Variants in CDH10 observed in about 807,000 individuals in gnomAD.
CDH10 encodes cadherin 10.
Under a neutral mutation model 73.1 loss-of-function variants are expected in CDH10, and 30 were observed. The ratio of observed to expected loss-of-function variants is 0.41; its 90% CI spans 0.31 to 0.56. CDH10 has a LOEUF of 0.56. Ranked by LOEUF, CDH10 falls within the 20% of genes least tolerant of loss-of-function variation. The probability of loss-of-function intolerance (pLI) is 0.27; values close to 1 mark genes in which losing one functional copy is unlikely to be tolerated. For missense variants in CDH10, 815 were observed against 973.7 expected, an observed-to-expected ratio of 0.84 and a Z score of 2.17; for synonymous variants, 345 against 348.2, an observed-to-expected ratio of 0.99 and a Z score of 0.10.
intron 1 of CDH10, among the ~76,000 whole-genome samples, chr5:24,603,024 G>T (rs1039882436): frequency 6.6e-6 from 1 of 152,100 alleles, no homozygotes; most frequent in Admixed American, 6.6e-5. Flanking sequence ...GATTACAGTG[G>T]CTTTGTCTGA....
intron 5 of CDH10, among the ~76,000 whole-genome samples, chr5:24,524,544 T>C (rs1256299218): frequency 6.6e-6 from 1 of 152,148 alleles, no homozygotes; most frequent in Admixed American, 6.6e-5. Context: ...TACGCTTTCC[T>C]ATCAATTCTA....
At chr5:24,520,704 A>G (rs1474318254) in intron 5 of CDH10, among the ~76,000 whole-genome samples, 1 of 152,088 alleles carries the variant, frequency 6.6e-6, no homozygotes, top group Non-Finnish European at 1.5e-5. Context: ...ACAAACAAAC[A>G]CATATACAAC....
chr5:24,496,783 A>T (rs1001056479), intron 9 of CDH10, among the ~76,000 whole-genome samples: 6 of 152,136 alleles, frequency 3.9e-5, no homozygotes, highest in African/African-American at 1.4e-4. Context: ...TCTGAACAAG[A>T]ATTTTATCAA....
chr5:24,604,218 C>T (rs1746672971), intron 1 of CDH10, among the ~76,000 whole-genome samples: 2 of 151,948 alleles, frequency 1.3e-5, no homozygotes, highest in Non-Finnish European at 2.9e-5. Flanking sequence ...CATGTAGTGG[C>T]ACAGGCCTGT....
intron 1 of CDH10, among the ~76,000 whole-genome samples, chr5:24,638,941 T>C (rs1293326461): frequency 2.0e-5 from 3 of 151,720 alleles, no homozygotes; most frequent in Non-Finnish European, 4.4e-5. Flanking sequence ...TTTTTGATCT[T>C]ATTAGCAATA....
intron 1 of CDH10, among the ~76,000 whole-genome samples, chr5:24,633,753 T>G (rs577818139): frequency 1.6e-4 from 24 of 152,036 alleles, no homozygotes; most frequent in African/African-American, 5.8e-4. Flanking sequence ...TATGTAAACA[T>G]TAAATGGCAT....
intron 5 of CDH10, among the ~76,000 whole-genome samples, chr5:24,523,134 G>A (rs1442731623): frequency 1.3e-5 from 2 of 151,986 alleles, no homozygotes; most frequent in African/African-American, 2.4e-5. Flanking sequence ...TATTTGGGGA[G>A]AACAGAATGA....
chr5:24,641,992 G>T (rs930597642), intron 1 of CDH10, among the ~76,000 whole-genome samples: 1 of 152,022 alleles, frequency 6.6e-6, no homozygotes, highest in Non-Finnish European at 1.5e-5. Flanking sequence ...TACTTCTAAT[G>T]TGACAGCAGT....
chr5:24,563,775 CAA>C (rs56666966), intron 2 of CDH10, among the ~76,000 whole-genome samples: 4 of 128,788 alleles, frequency 3.1e-5, no homozygotes, highest in Admixed American at 2.5e-4. Context: ...CCCCCTCCAC[CAA>C]AAAAAAAAAA....
intron 3 of CDH10, 61 bp downstream of exon 3, chr5:24,537,319 G>T (rs1743992033): frequency 2.3e-5 from 25 of 1,089,258 alleles, no homozygotes; most frequent in Non-Finnish European, 3.1e-5. Context: ...ACTATTATAA[G>T]AATTTCTTGA....
In CDH10 at chr5:24,617,181, G is replaced by A. The variant is rs533649168; in HGVS notation, c.-123-23568C>T. On this transcript the variant is annotated intron_variant, in intron 1 of 11. Coordinates refer to ENST00000264463, the MANE Select transcript of CDH10 (RefSeq NM_006727.5). ...AGGTGAATCTTGTGCATTGTAGGAT[G>A]GTTAGCAGCATCCCCAGCCTCTACC... is the stretch of plus-strand genomic sequence containing the variant. 7.2e-5 allele frequency among the ~76,000 whole-genome samples: 11 copies of A among 152,072 alleles called. No individual in the cohort carries two copies. The South Asian group carries it at 2.3e-3, about 32-fold the overall frequency.
intron 11 of CDH10, among the ~76,000 whole-genome samples, chr5:24,490,434 A>G (rs370710712): frequency 5.8e-5 from 6 of 103,060 alleles, no homozygotes; most frequent in Admixed American, 2.9e-4. Context: ...ATTATAAAAT[A>G]TATTTTTTAA....
intron 11 of CDH10, among the ~76,000 whole-genome samples, chr5:24,490,464 T>C (rs1742012025): frequency 1.3e-5 from 2 of 152,124 alleles, no homozygotes; most frequent in South Asian, 4.1e-4. Flanking sequence ...TCTCATTTCC[T>C]GAACTACATA....
At chr5:24,498,594 T>C in intron 8 of CDH10, 75 bp from the exon 9 acceptor site, 3 of 999,122 alleles carry the variant, frequency 3.0e-6, no homozygotes, top group Non-Finnish European at 4.7e-6. Context: ...AGGCATCTTG[T>C]GGGTATGAAG....
intron 5 of CDH10, among the ~76,000 whole-genome samples, chr5:24,512,567 T>C (rs888136719): frequency 6.6e-6 from 1 of 152,084 alleles, no homozygotes; most frequent in Non-Finnish European, 1.5e-5. Flanking sequence ...GTGGAAAAAA[T>C]ATATAGATGC....
At chr5:24,492,680 T>C (rs143450630) in intron 10 of CDH10, 137 bp downstream of exon 10, 8 of 544,866 alleles carry the variant, frequency 1.5e-5, no homozygotes, top group Non-Finnish European at 2.7e-5. Flanking sequence ...TTACTAAATA[T>C]ATCAAATACT....
At chr5:24,496,189 A>G (rs896101981) in intron 9 of CDH10, among the ~76,000 whole-genome samples, 1 of 152,180 alleles carries the variant, frequency 6.6e-6, no homozygotes, top group Non-Finnish European at 1.5e-5. Flanking sequence ...TAAGTCATTT[A>G]GATACTATTG....
chr5:24,503,239 A>G (rs966168883), intron 8 of CDH10, among the ~76,000 whole-genome samples: 1 of 152,146 alleles, frequency 6.6e-6, no homozygotes, highest in East Asian at 1.9e-4. Context: ...GTGTTTGTGG[A>G]TTCAGCTTAG....
At position 24,491,759 on chromosome 5, in the gene CDH10, G is replaced by A. The variant is rs1561119113; in HGVS notation, c.1693C>T (p.Pro565Ser). ...TAATCATTGTCTGATATCACCACAG[G>A]CAAGAGATAGGTACTGATTTCATGT... ...NRHEISTYLL[P>S]VVISDNDYPI... The change falls in exon 11 of 12, where the codon CCT becomes TCT. Residue 565 changes from proline to serine, a missense_variant. Transcript: ENST00000264463. 1 of 1,608,902 alleles carries A rather than the reference G, an allele frequency of 6.2e-7. No homozygotes were observed. Among genetic ancestry groups the A allele is most frequent in the Non-Finnish European group, 8.5e-7 (1 of 1,175,318 alleles).
Sources: gnomAD v4.1 joint callset for allele counts (sites outside exome capture counted in the v4.1 genomes callset) on GRCh38, gnomAD v4.1.1 for gene constraint, MANE v1.5 for transcripts, NCBI Gene and HGNC (gene_info 2026-07-23, HGNC 2026-07-21) for gene names.